The following NUP107 variants were observed in gnomAD, a reference collection of about 807,000 sequenced individuals.
The protein encoded by NUP107 is nuclear pore complex protein Nup107.
Under a neutral mutation model 141.0 loss-of-function variants are expected in NUP107, and 101 were observed. The ratio of observed to expected loss-of-function variants is 0.72; its 90% confidence interval spans 0.61 to 0.84. The LOEUF (loss-of-function observed/expected upper bound fraction) is 0.84, where lower values mean the gene tolerates loss of function less well. Among genes scored for constraint, NUP107 ranks in the 40% least tolerant of loss-of-function variants. The pLI is 0.00. For missense variants in NUP107, 941 were observed against 1,102.7 expected (o/e 0.85, Z 2.08); for synonymous variants, 319 against 363.9 (o/e 0.88, Z 1.41).
chr12:68,738,545 T>G (rs1878176054), intron 26 of NUP107, among the ~76,000 whole-genome samples: 1 of 152,190 alleles, frequency 6.6e-6, no homozygotes, highest in Non-Finnish European at 1.5e-5. Context: ...CAGGCTAGAT[T>G]TCAGCCCCAC....
At chr12:68,740,256 G>A (rs1878269503) in intron 26 of NUP107, 1 of 152,206 alleles carries the variant, frequency 6.6e-6, no homozygotes, top group Non-Finnish European at 1.5e-5. Context: ...GAAAGGTCCA[G>A]AAAGAAGCAG....
rs147552459 is a variant in NUP107 at position 68,735,190 on chromosome 12, G to T, written c.2389-41G>T. The T allele has an allele frequency of 6.4e-4, 795 of 1,240,314 alleles. 3 individuals are homozygous for T. In the African/African-American group the frequency reaches 0.01, roughly 16 times the overall value. The allele number at this position is 1,240,314 out of a possible 1,614,324, so 76.8% of individuals were successfully genotyped here. On this transcript the variant is annotated intron_variant, in intron 25 of 27. Coordinates refer to ENST00000229179, the MANE Select transcript of NUP107 (RefSeq NM_020401.4). ...TATTTTCCAAATACATTATTTATTG[G>T]GTTTTATCCATTATATGTCTGCCTT... is the stretch of plus-strand genomic sequence containing the variant.
chr12:68,692,157 C>A, intron 5 of NUP107, 45 bp downstream of exon 5: 2 of 1,516,658 alleles, frequency 1.3e-6, no homozygotes, highest in Non-Finnish European at 8.9e-7. Flanking sequence ...TTCACTTTAG[C>A]AAGATGAAGG....
intron 26 of NUP107, among the ~76,000 whole-genome samples, chr12:68,738,274 CAAAAAT>C (rs889024151): frequency 3.3e-5 from 5 of 151,458 alleles, no homozygotes; most frequent in African/African-American, 1.2e-4. Context: ...GACTCTGTCT[CAAAAAT>C]AAAAATAAAA....
chr12:68,706,065 C>T (rs910296875), intron 8 of NUP107: 2 of 789,918 alleles, frequency 2.5e-6, no homozygotes, highest in Non-Finnish European at 4.5e-6. Context: ...AGAGCTACAT[C>T]AACAAACTTC....
Position 68,719,415 on chromosome 12 carries a change from C to T in NUP107, c.1158C>T (p.Asp386=), listed in dbSNP as rs1877258311. Residue 386 remains aspartate (D), a synonymous_variant, in exon 13 of 28, where the codon GAC becomes GAT. Transcript: ENST00000229179. ...ATLEGWKLYH[D]PNVNGGTELE... is the part of the protein sequence containing the mutation. Reference sequence around the variant, plus strand: ...TTGAAGGCTGGAAACTGTACCATGACCCTAATGTTAATGGAGGTATTTTAG... The same window carrying T: ...TTGAAGGCTGGAAACTGTACCATGATCCTAATGTTAATGGAGGTATTTTAG... 1.2e-6 allele frequency: 2 copies of T among 1,613,664 alleles called. No homozygotes were observed. Among genetic ancestry groups the T allele is most frequent in the Non-Finnish European group, 1.7e-6 (2 of 1,179,712 alleles).
At chr12:68,735,141 G>A (rs1878013687) in intron 25 of NUP107, 90 bp from the exon 26 acceptor site, 2 of 894,372 alleles carry the variant, frequency 2.2e-6, no homozygotes, top group African/African-American at 1.7e-5. Flanking sequence ...TTAGAATGAT[G>A]TTCTATATGT....
At chr12:68,737,370 G>A (rs1271890622) in intron 26 of NUP107, among the ~76,000 whole-genome samples, 1 of 151,876 alleles carries the variant, frequency 6.6e-6, no homozygotes, top group Non-Finnish European at 1.5e-5. Flanking sequence ...CTTGAGACCA[G>A]CCTGGACAAC....
At chr12:68,699,633 T>C (rs1876230369) in intron 6 of NUP107, among the ~76,000 whole-genome samples, 1 of 152,214 alleles carries the variant, frequency 6.6e-6, no homozygotes, top group Non-Finnish European at 1.5e-5. Flanking sequence ...TTTTATGAAG[T>C]ACTAGTCTTA....
chr12:68,721,995 G>GT lies in NUP107; in HGVS notation c.1457+11dup. 1 of 1,613,248 alleles carries GT rather than the reference G, an allele frequency of 6.2e-7. No individual in the cohort carries two copies. The highest frequency in any genetic ancestry group is 1.1e-5 in the South Asian group (1 of 90,904). On this transcript the variant is annotated intron_variant, in intron 16 of 27. Coordinates refer to ENST00000229179, the MANE Select transcript of NUP107 (RefSeq NM_020401.4). Reference sequence around the variant, plus strand: ...GAATATCTGGGAGCAAAGTGAGTTTGTTGGATTGTTTTGAGTCATGGTGAT... The same window carrying GT: ...GAATATCTGGGAGCAAAGTGAGTTTGTTTGGATTGTTTTGAGTCATGGTGAT...
At chr12:68,727,559 C>T (rs1877616956) in intron 20 of NUP107, among the ~76,000 whole-genome samples, 170 bp downstream of exon 20, 3 of 152,094 alleles carry the variant, frequency 2.0e-5, no homozygotes, top group African/African-American at 7.2e-5. Flanking sequence ...AGGAAAACAA[C>T]CCCCACCGCC....
chr12:68,700,544 T>G (rs568738096), intron 6 of NUP107, among the ~76,000 whole-genome samples, 182 bp from the exon 7 acceptor site: 30 of 152,156 alleles, frequency 2.0e-4, no homozygotes, highest in Non-Finnish European at 3.5e-4. Context: ...TTGTTCCAAA[T>G]TAGATCCATT....
At chr12:68,710,166 T>C (rs1012881261) in intron 10 of NUP107, 73 bp downstream of exon 10, 1 of 810,526 alleles carries the variant, frequency 1.2e-6, no homozygotes, top group South Asian at 1.5e-5. Flanking sequence ...ATAAGTATTA[T>C]TCAGTTTTTA....
chr12:68,688,202 T>C (rs1018558025), intron 1 of NUP107, among the ~76,000 whole-genome samples: 4 of 152,228 alleles, frequency 2.6e-5, no homozygotes, highest in African/African-American at 9.6e-5. Flanking sequence ...TTTTTTGTTT[T>C]TAATTTTAAT....
At chr12:68,699,724 C>A (rs1407716841) in intron 6 of NUP107, among the ~76,000 whole-genome samples, 1 of 152,138 alleles carries the variant, frequency 6.6e-6, no homozygotes, top group Non-Finnish European at 1.5e-5. Context: ...GAGCAGTCTT[C>A]TTCCTTAATT....
At chr12:68,706,788 C>G (rs1876604094) in intron 8 of NUP107, 1 of 758,344 alleles carries the variant, frequency 1.3e-6, no homozygotes, top group South Asian at 1.4e-5. Context: ...ATCAAGATCA[C>G]CACTTAAAGG....
chr12:68,715,548 A>G, intron 11 of NUP107, 79 bp from the exon 12 acceptor site: 1 of 773,722 alleles, frequency 1.3e-6, no homozygotes, highest in Non-Finnish European at 2.3e-6. Flanking sequence ...GGATAGGTTT[A>G]TCATCTCTTG....
At position 68,700,873 on chromosome 12, in the gene NUP107, A is replaced by G; in HGVS notation, c.680+20A>G. On this transcript the variant is annotated intron_variant, in intron 7 of 27. Coordinates refer to ENST00000229179, the MANE Select transcript of NUP107 (RefSeq NM_020401.4). Reference sequence around the variant, plus strand: ...GTATAGGTAATGGCGTCTAGAATTCATAAGTGAAATAAACATAAGGTAATA... The same window carrying G: ...GTATAGGTAATGGCGTCTAGAATTCGTAAGTGAAATAAACATAAGGTAATA... 2 of 1,551,138 alleles carry G rather than the reference A, an allele frequency of 1.3e-6. No homozygotes were observed. The highest frequency in any genetic ancestry group is 1.7e-6 in the Non-Finnish European group (2 of 1,155,408).
chr12:68,713,773 T>G lies in NUP107; in HGVS notation c.934T>G (p.Tyr312Asp). 6.2e-7 allele frequency: 1 copy of G among 1,611,138 alleles called. No homozygotes were observed. Residue 312 changes from tyrosine (Y) to aspartate (D), a missense_variant, in exon 11 of 28, where the codon TAC becomes GAC. Coordinates refer to ENST00000229179, the MANE Select transcript of NUP107 (RefSeq NM_020401.4). ...HTLKQRQLTS[Y>D]VGSVRPLVTE... Reference sequence around the variant, plus strand: ...CTTAAAACAACGGCAGCTGACTTCTTACGTTGGAAGTGTTCGTCCGCTTGT... The same window carrying G: ...CTTAAAACAACGGCAGCTGACTTCTGACGTTGGAAGTGTTCGTCCGCTTGT...
Sources: gnomAD v4.1 joint callset for allele counts (sites outside exome capture counted in the v4.1 genomes callset) on GRCh38, gnomAD v4.1.1 for gene constraint, MANE v1.5 for transcripts, NCBI Gene and HGNC (gene_info 2026-07-23, HGNC 2026-07-21) for gene names.